WDR70: variants seen among roughly 807,000 people sequenced by gnomAD.
WDR70 encodes the protein WD repeat-containing protein 70.
A neutral mutation model predicts 88.6 loss-of-function variants in WDR70; 53 were observed. That is an observed-to-expected ratio of 0.60 (90% CI 0.48 to 0.75). The LOEUF is 0.75. Ranked by LOEUF, WDR70 falls within the 30% of genes least tolerant of loss-of-function variation. The pLI is 0.00. For synonymous variants in WDR70, 280 were observed against 270.0 expected (o/e 1.04, Z -0.36); for missense variants, 610 against 823.2 (o/e 0.74, Z 3.17).
intron 9 of WDR70, among the ~76,000 whole-genome samples, chr5:37,569,691 C>T (rs2088726531): frequency 6.6e-6 from 1 of 152,126 alleles, no homozygotes; most frequent in South Asian, 2.1e-4. Flanking sequence ...TTGCCTAGGG[C>T]TTTTGTGAGC....
At chr5:37,430,012 T>G (rs1750253294) in intron 5 of WDR70, among the ~76,000 whole-genome samples, 1 of 152,240 alleles carries the variant, frequency 6.6e-6, no homozygotes, top group Non-Finnish European at 1.5e-5. Context: ...TAAGTTCTCC[T>G]TAATTTTTCT....
At chr5:37,444,309 A>C (rs1480884179) in intron 7 of WDR70, among the ~76,000 whole-genome samples, 1 of 146,198 alleles carries the variant, frequency 6.8e-6, no homozygotes, top group Non-Finnish European at 1.5e-5. Context: ...AGGGCCTTCC[A>C]TGTTGCTACA....
chr5:37,405,836 G>A (rs1581253842), intron 5 of WDR70, among the ~76,000 whole-genome samples: 1 of 151,980 alleles, frequency 6.6e-6, no homozygotes, highest in African/African-American at 2.4e-5. Context: ...ACTTGAGCCC[G>A]GGAGTTCGAG....
chr5:37,574,621 C>G (rs1266973161), intron 9 of WDR70, among the ~76,000 whole-genome samples: 2 of 152,176 alleles, frequency 1.3e-5, no homozygotes, highest in African/African-American at 2.4e-5. Context: ...CTCCGCTGAC[C>G]TCCAGACTTA....
At chr5:37,679,293 A>T (rs1195344767) in intron 10 of WDR70, among the ~76,000 whole-genome samples, 1 of 151,936 alleles carries the variant, frequency 6.6e-6, no homozygotes, top group Non-Finnish European at 1.5e-5. Context: ...ATTCCTTTGG[A>T]GGAGGAGAGG....
chr5:37,516,494 C>A lies in WDR70; in HGVS notation c.841-20C>A. On this transcript the variant is annotated intron_variant, in intron 8 of 17. Transcript: ENST00000265107. ...ACCTTTTTAAAACATCTTTTTTTCC[C>A]CTTTGTCTTTATTTTTAAGGGTCAT... 1.3e-6 allele frequency: 2 copies of A among 1,501,932 alleles called. No individual in the cohort carries two copies. Among genetic ancestry groups the A allele is most frequent in the South Asian group, 1.3e-5 (1 of 79,152 alleles). The allele number at this position is 1,501,932 out of a possible 1,614,324, so 93.0% of individuals were successfully genotyped here.
intron 8 of WDR70, among the ~76,000 whole-genome samples, chr5:37,492,248 C>T (rs1407017025): frequency 6.6e-6 from 1 of 152,152 alleles, no homozygotes; most frequent in African/African-American, 2.4e-5. Context: ...AACTTTCTAG[C>T]CTTTTCCCGT....
chr5:37,433,767 A>G (rs905004965), intron 5 of WDR70, among the ~76,000 whole-genome samples: 1 of 152,208 alleles, frequency 6.6e-6, no homozygotes, highest in Admixed American at 6.5e-5. Context: ...CTTAGGCAGA[A>G]TGGAATTGAG....
chr5:37,444,504 C>A (rs1035269203), intron 7 of WDR70, among the ~76,000 whole-genome samples: 10 of 151,842 alleles, frequency 6.6e-5, no homozygotes, highest in Admixed American at 6.6e-4. Context: ...CCATGCCTGG[C>A]TAATTTTTGT....
At chr5:37,510,326 A>G (rs1363731660) in intron 8 of WDR70, among the ~76,000 whole-genome samples, 2 of 152,110 alleles carry the variant, frequency 1.3e-5, no homozygotes, top group Non-Finnish European at 2.9e-5. Context: ...ACACTCATAT[A>G]TATATGCATA....
intron 8 of WDR70, among the ~76,000 whole-genome samples, chr5:37,484,788 A>G (rs1280706579): frequency 6.6e-6 from 1 of 152,096 alleles, no homozygotes; most frequent in Non-Finnish European, 1.5e-5. Context: ...GAGTCTAGGT[A>G]TGTTTTCTGT....
intron 13 of WDR70, among the ~76,000 whole-genome samples, chr5:37,706,643 C>G (rs1408800435): frequency 6.6e-6 from 1 of 151,958 alleles, no homozygotes; most frequent in African/African-American, 2.4e-5. Context: ...AACTGCGAGT[C>G]AATTAAACCT....
chr5:37,387,907 A>C (rs1227804026), intron 3 of WDR70, among the ~76,000 whole-genome samples: 1 of 152,122 alleles, frequency 6.6e-6, no homozygotes, highest in Non-Finnish European at 1.5e-5. Flanking sequence ...TGAGGAAACT[A>C]AGACTTTGAC....
intron 8 of WDR70, among the ~76,000 whole-genome samples, chr5:37,512,128 A>G (rs1358514784): frequency 6.6e-6 from 1 of 152,160 alleles, no homozygotes; most frequent in Non-Finnish European, 1.5e-5. Context: ...GACTCGGGGT[A>G]TTCCTTGGCT....
chr5:37,739,510 A>G (rs899155508), intron 17 of WDR70, among the ~76,000 whole-genome samples: 2 of 152,162 alleles, frequency 1.3e-5, no homozygotes, highest in African/African-American at 4.8e-5. Flanking sequence ...AGGTGACAGA[A>G]TTGCTTTCTG....
intron 10 of WDR70, among the ~76,000 whole-genome samples, chr5:37,666,777 A>T (rs1192542899): frequency 6.6e-6 from 1 of 152,174 alleles, no homozygotes; most frequent in Non-Finnish European, 1.5e-5. Flanking sequence ...AAGTGTGCAG[A>T]TCCTGGGACA....
intron 9 of WDR70, among the ~76,000 whole-genome samples, chr5:37,543,790 A>G: frequency 6.6e-6 from 1 of 152,126 alleles, no homozygotes; most frequent in East Asian, 1.9e-4. Flanking sequence ...TTATTTGGAG[A>G]TGGAGTCTCG....
At chr5:37,451,158 A>G (rs1196113452) in intron 7 of WDR70, among the ~76,000 whole-genome samples, 1 of 152,104 alleles carries the variant, frequency 6.6e-6, no homozygotes, top group Non-Finnish European at 1.5e-5. Context: ...TTGGTCTCCC[A>G]AAGTGCTGGG....
At chr5:37,722,795 C>T in intron 14 of WDR70, 60 bp from the exon 15 acceptor site, 1 of 1,508,922 alleles carries the variant, frequency 6.6e-7, no homozygotes, top group South Asian at 1.1e-5. Context: ...ATGTTTTCAA[C>T]ATGAAATTTT....
Sources: allele counts gnomAD v4.1 joint callset (sites outside exome capture counted in the v4.1 genomes callset), GRCh38; gene constraint gnomAD v4.1.1; transcripts MANE v1.5; gene names NCBI Gene and HGNC (gene_info 2026-07-23, HGNC 2026-07-21).